Variants in NTRK3 observed in about 807,000 individuals in gnomAD.
NTRK3 encodes neurotrophic receptor tyrosine kinase 3, also known as NT-3 growth factor receptor.
NTRK3 carries 24 observed loss-of-function variants against 91.7 expected under a neutral mutation model. The observed-to-expected ratio is 0.26, with a 90% CI of 0.19 to 0.37. NTRK3 has a LOEUF of 0.37. Ranked by LOEUF, NTRK3 falls within the 10% of genes least tolerant of loss-of-function variation. The pLI is 1.00. For synonymous variants in NTRK3, 483 were observed against 404.0 expected (o/e 1.20, Z -2.34); for missense variants, 880 against 1,068.9 (o/e 0.82, Z 2.46).
chr15:88,005,798 T>A (rs2076446142), intron 14 of NTRK3, among the ~76,000 whole-genome samples: 1 of 152,164 alleles, frequency 6.6e-6, no homozygotes, highest in South Asian at 2.1e-4. Flanking sequence ...TAACATTCCA[T>A]TCCCCTTCAA....
chr15:88,060,381 C>T (rs1454365993), intron 13 of NTRK3, among the ~76,000 whole-genome samples: 2 of 110,368 alleles, frequency 1.8e-5, no homozygotes, highest in Non-Finnish European at 3.6e-5. Flanking sequence ...GAGACTCCAT[C>T]TCAAAAAAAA....
chr15:88,241,420 C>T lies in NTRK3; in HGVS notation c.248+14486G>A, dbSNP rs923272391. On this transcript the variant is annotated intron_variant, in intron 3 of 18. Transcript: ENST00000394480. The surrounding 1 kb of genome is among the most constrained non-coding windows in gnomAD (Gnocchi z 4.3). ...ATGGGCGCAGGGAAGAGCAACCAAT[C>T]ATTTCCAGGGAGACAGAACATGACC... Among the ~76,000 whole-genome samples, 1 of 152,174 alleles carries T rather than the reference C, an allele frequency of 6.6e-6. No homozygotes were observed. Among genetic ancestry groups the T allele is most frequent in the Non-Finnish European group, 1.5e-5 (1 of 68,028 alleles).
At chr15:88,105,362 T>C (rs1188470978) in intron 13 of NTRK3, among the ~76,000 whole-genome samples, 1 of 152,180 alleles carries the variant, frequency 6.6e-6, no homozygotes, top group Admixed American at 6.5e-5. Flanking sequence ...CACTGCTACC[T>C]TAAAGAGTCA....
rs2075110716 is a variant in NTRK3 at position 87,989,439 on chromosome 15, T to A, written c.1585+43418A>T. ...AACACCACATGTTCTCACTCATAGG[T>A]GGGAATCGAACAATGAGAACACTTG... On this transcript the variant is annotated intron_variant, in intron 14 of 18. Coordinates refer to ENST00000394480, the Ensembl canonical transcript of NTRK3. Among the ~76,000 whole-genome samples the A allele has an allele frequency of 2.0e-5, 3 of 151,298 alleles. 1 individual carries two copies. The South Asian group carries it at 6.3e-4, about 32-fold the overall frequency.
At chr15:88,021,098 C>G (rs931653810) in intron 14 of NTRK3, among the ~76,000 whole-genome samples, 1 of 152,190 alleles carries the variant, frequency 6.6e-6, no homozygotes, top group Non-Finnish European at 1.5e-5. Flanking sequence ...GTTAGAAGCA[C>G]CTGCAACAGC....
chr15:88,014,614 C>G (rs1426064325), intron 14 of NTRK3, among the ~76,000 whole-genome samples: 1 of 152,172 alleles, frequency 6.6e-6, no homozygotes, highest in Admixed American at 6.5e-5. Context: ...ATTGCAACTG[C>G]AACTAACTGG....
intron 3 of NTRK3, among the ~76,000 whole-genome samples, chr15:88,223,167 C>T (rs192075691): frequency 6.6e-6 from 1 of 152,336 alleles, no homozygotes; most frequent in Non-Finnish European, 1.5e-5. Context: ...CTGGAACACC[C>T]CCAGCACACG....
intron 13 of NTRK3, among the ~76,000 whole-genome samples, chr15:88,083,942 G>C (rs1013393521): frequency 7.9e-5 from 12 of 152,204 alleles, no homozygotes; most frequent in African/African-American, 2.6e-4. Context: ...CCCTGGCAGA[G>C]ACACACACGT....
chr15:87,867,180 G>A (rs2064705652), exon 19 of NTRK3: 1 of 225,424 alleles, frequency 4.4e-6, no homozygotes, highest in Admixed American at 5.7e-5. Flanking sequence ...TAATCACTTG[G>A]TCCAGGGGGC....
At chr15:88,034,784 T>G (rs2078923362) in intron 13 of NTRK3, among the ~76,000 whole-genome samples, 1 of 152,246 alleles carries the variant, frequency 6.6e-6, no homozygotes, top group African/African-American at 2.4e-5. Context: ...ATGACAAATA[T>G]CTGACTGTGT....
At chr15:88,181,616 G>A (rs763935544) in intron 5 of NTRK3, among the ~76,000 whole-genome samples, 1 of 152,168 alleles carries the variant, frequency 6.6e-6, no homozygotes, top group Non-Finnish European at 1.5e-5. Context: ...ATACGACCTC[G>A]CACCACAAGC....
chr15:88,162,857 T>C (rs2044592812), intron 5 of NTRK3, among the ~76,000 whole-genome samples: 1 of 152,148 alleles, frequency 6.6e-6, no homozygotes, highest in South Asian at 2.1e-4. Flanking sequence ...ATTCTCAGAC[T>C]TCCAGGAGGA....
chr15:87,951,408 A>G (rs1240178805), intron 14 of NTRK3, among the ~76,000 whole-genome samples: 1 of 152,228 alleles, frequency 6.6e-6, no homozygotes, highest in African/African-American at 2.4e-5. Flanking sequence ...AAAGACCAGC[A>G]TTCAATTTTT....
At chr15:87,893,690 A>T (rs1029416681) in intron 17 of NTRK3, among the ~76,000 whole-genome samples, 5 of 152,176 alleles carry the variant, frequency 3.3e-5, no homozygotes, top group African/African-American at 7.2e-5. Flanking sequence ...GGATTCCAAA[A>T]ATCACAGAGA....
chr15:88,189,898 TAA>T (rs1207865292), intron 3 of NTRK3, among the ~76,000 whole-genome samples: 1 of 152,220 alleles, frequency 6.6e-6, no homozygotes, highest in Non-Finnish European at 1.5e-5. Flanking sequence ...TGGATATGTT[TAA>T]GAGTTGTTTC....
intron 14 of NTRK3, among the ~76,000 whole-genome samples, chr15:87,947,856 A>C (rs1596358365): frequency 6.6e-6 from 1 of 152,186 alleles, no homozygotes; most frequent in Non-Finnish European, 1.5e-5. Context: ...ATGTCTTTAA[A>C]TGGAAAAGAA....
intron 13 of NTRK3, among the ~76,000 whole-genome samples, chr15:88,087,429 C>A (rs1451888828): frequency 6.6e-6 from 1 of 152,152 alleles, no homozygotes; most frequent in Non-Finnish European, 1.5e-5. Context: ...CTAGAGGAAC[C>A]ATCCCAGTAA....
chr15:88,030,941 T>G (rs80064374), intron 14 of NTRK3, among the ~76,000 whole-genome samples: 2 of 152,334 alleles, frequency 1.3e-5, no homozygotes, highest in East Asian at 3.9e-4. Context: ...CTAGTGACTA[T>G]GCAGTTTGGT....
chr15:88,111,862 G>C (rs990970538), intron 13 of NTRK3, among the ~76,000 whole-genome samples: 1 of 151,436 alleles, frequency 6.6e-6, no homozygotes, highest in African/African-American at 2.4e-5. Context: ...AGTGTGTTCT[G>C]GGTTCTGGAT....
Sources: gnomAD v4.1 joint callset for allele counts (sites outside exome capture counted in the v4.1 genomes callset) on GRCh38, gnomAD v4.1.1 for gene constraint, Gnocchi (gnomAD v3.1) non-coding constraint, MANE v1.5 for transcripts, NCBI Gene and HGNC (gene_info 2026-07-23, HGNC 2026-07-21) for gene names.